Variants in PHF20 observed in about 807,000 individuals in gnomAD.
PHF20 encodes glioma-expressed antigen 2.
Under a neutral mutation model 113.5 loss-of-function variants are expected in PHF20, and 23 were observed. That is an observed-to-expected ratio of 0.20 (90% CI 0.15 to 0.29). PHF20 has a LOEUF of 0.29. Among genes scored for constraint, PHF20 ranks in the 10% least tolerant of loss-of-function variants. PHF20 has a pLI of 1.00. For synonymous variants in PHF20, 434 were observed against 457.3 expected (o/e 0.95, Z 0.65); for missense variants, 943 against 1,219.6 (o/e 0.77, Z 3.38).
intron 1 of PHF20, among the ~76,000 whole-genome samples, chr20:35,792,866 T>G (rs2041584729): frequency 6.6e-6 from 1 of 152,110 alleles, no homozygotes; most frequent in Admixed American, 6.6e-5. Flanking sequence ...CCTAGGAAAT[T>G]GGGGCTGTTG....
chr20:35,940,913 G>A lies in PHF20; in HGVS notation c.2762G>A (p.Arg921Gln), dbSNP rs547973892. ...KKALPEEAPA[R>Q]KLLDRGGEGL... Reference sequence around the variant, plus strand: ...GCCCTACCAGAAGAAGCCCCTGCTCGGAAGCTGCTGGACAGAGGTGGAGAG... The same window carrying A: ...GCCCTACCAGAAGAAGCCCCTGCTCAGAAGCTGCTGGACAGAGGTGGAGAG... The change falls in exon 17 of 18, where the codon CGG (arginine) becomes CAG (glutamine). Residue 921 changes from arginine (R) to glutamine (Q), a missense_variant. Coordinates refer to ENST00000374012, the MANE Select transcript of PHF20 (RefSeq NM_016436.5). The A allele has an allele frequency of 2.5e-5, 41 of 1,614,110 alleles. 1 individual carries two copies. The East Asian group carries it at 7.4e-4, about 29-fold the overall frequency.
intron 2 of PHF20, among the ~76,000 whole-genome samples, chr20:35,819,643 A>C (rs2042134365): frequency 6.7e-6 from 1 of 148,314 alleles, no homozygotes. Flanking sequence ...TACTCCTTAC[A>C]CCATCTGTGT....
intron 2 of PHF20, among the ~76,000 whole-genome samples, chr20:35,814,884 AAAAAAATAAAAT>A (rs2042041740): frequency 6.9e-6 from 1 of 144,610 alleles, no homozygotes; most frequent in African/African-American, 2.6e-5. Context: ...AAAAAAAAAA[AAAAAAATAAAAT>A]AAATAAATAA....
In PHF20 at chr20:35,947,604, A is replaced by C; in HGVS notation, c.3016A>C (p.Ile1006Leu). ...GATGGACCTGGGCAAGGTGCAGCAGATCGCCCTCTGCTGCTCAACATGAAA... is the reference window on the plus strand; with the variant it reads ...GATGGACCTGGGCAAGGTGCAGCAGCTCGCCCTCTGCTGCTCAACATGAAA... ...LLMDLGKVQQ[I>L]ALCCST is the part of the protein sequence containing the mutation. The change falls in exon 18 of 18, where the codon ATC becomes CTC. Residue 1006 changes from isoleucine to leucine, a missense_variant. Coordinates refer to ENST00000374012, the MANE Select transcript of PHF20 (RefSeq NM_016436.5). 5.6e-6 allele frequency: 9 copies of C among 1,613,952 alleles called. No homozygotes were observed. The highest frequency in any genetic ancestry group is 7.6e-6 in the Non-Finnish European group (9 of 1,179,976).
At chr20:35,786,593 T>C (rs1157326032) in intron 1 of PHF20, among the ~76,000 whole-genome samples, 3 of 152,076 alleles carry the variant, frequency 2.0e-5, no homozygotes, top group African/African-American at 7.2e-5. Flanking sequence ...TTTCAACTAC[T>C]TGGGAGGCTG....
chr20:35,853,740 G>A (rs1415154303), intron 4 of PHF20, among the ~76,000 whole-genome samples: 1 of 151,484 alleles, frequency 6.6e-6, no homozygotes, highest in African/African-American at 2.4e-5. Flanking sequence ...GATGGGTGAC[G>A]AAGACCCTAT....
At chr20:35,811,367 A>T (rs2041973982) in intron 2 of PHF20, among the ~76,000 whole-genome samples, 1 of 151,270 alleles carries the variant, frequency 6.6e-6, no homozygotes, top group East Asian at 1.9e-4. Context: ...TTAATTGCTT[A>T]TGTCCTTGTG....
intron 15 of PHF20, among the ~76,000 whole-genome samples, chr20:35,932,302 C>T (rs1293009797): frequency 6.6e-6 from 1 of 151,642 alleles, no homozygotes; most frequent in Non-Finnish European, 1.5e-5. Flanking sequence ...CTCCTGACCT[C>T]AAGTGATCCA....
In PHF20 at chr20:35,846,905, A is replaced by G. The variant is rs528205975; in HGVS notation, c.256-445A>G. On this transcript the variant is annotated intron_variant, in intron 3 of 17. Transcript: ENST00000374012. The stretch of plus-strand genomic sequence containing the variant: ...CAAGTGCATGGTACTGGCTTCTGGC[A>G]TCAGCTTTCATGCTGTGTCATACAT... 5.3e-5 allele frequency among the ~76,000 whole-genome samples: 8 copies of G among 152,312 alleles called. No individual in the cohort carries two copies. In the South Asian group the frequency reaches 1.2e-3, roughly 24 times the overall value.
At position 35,911,192 on chromosome 20, in the gene PHF20, T is replaced by C. The variant is rs910705653; in HGVS notation, c.1562-2057T>C. On this transcript the variant is annotated intron_variant, in intron 10 of 17. Transcript: ENST00000374012. Reference sequence around the variant, plus strand: ...AGTAGCTGGGACTACAGGCGCCCGCTACCACGCCCGGCTAATTTTTTCTGT... The same window carrying C: ...AGTAGCTGGGACTACAGGCGCCCGCCACCACGCCCGGCTAATTTTTTCTGT... Among the ~76,000 whole-genome samples the C allele has an allele frequency of 9.2e-5, 14 of 151,808 alleles. No homozygotes were observed. The East Asian group carries it at 9.7e-4, about 11-fold the overall frequency.
chr20:35,778,902 G>T (rs1256166736), intron 1 of PHF20, among the ~76,000 whole-genome samples: 1 of 152,084 alleles, frequency 6.6e-6, no homozygotes, highest in Admixed American at 6.6e-5. Context: ...AATTTTAGAA[G>T]CCTAATATGA....
At chr20:35,810,505 G>A (rs941073869) in intron 2 of PHF20, among the ~76,000 whole-genome samples, 1 of 152,132 alleles carries the variant, frequency 6.6e-6, no homozygotes, top group Admixed American at 6.6e-5. Context: ...CACTGAGAGG[G>A]AGACTACCTG....
intron 13 of PHF20, among the ~76,000 whole-genome samples, chr20:35,922,732 T>C (rs1363623290): frequency 6.6e-6 from 1 of 152,256 alleles, no homozygotes; most frequent in Non-Finnish European, 1.5e-5. Flanking sequence ...AATGGCTAGA[T>C]AATAAATTTT....
Position 35,939,006 on chromosome 20 carries a change from C to G in PHF20, c.2610C>G (p.Pro870=). Residue 870 remains proline, a synonymous_variant, in exon 16 of 18, where the codon CCC becomes CCG. Coordinates refer to ENST00000374012, the MANE Select transcript of PHF20 (RefSeq NM_016436.5). ...CTGCCCTCGACGATGCGGTCAACCC[C>G]CTCCATGAGAACGGCGATGATTCCC... is the stretch of plus-strand genomic sequence containing the variant. ...RGSALDDAVN[P]LHENGDDSLS... 6.2e-7 allele frequency: 1 copy of G among 1,614,182 alleles called. No individual in the cohort carries two copies. Among genetic ancestry groups the G allele is most frequent in the South Asian group, 1.1e-5 (1 of 91,088 alleles).
At chr20:35,871,867 A>C in intron 9 of PHF20, 38 bp downstream of exon 9, 1 of 1,459,934 alleles carries the variant, frequency 6.8e-7, no homozygotes, top group East Asian at 2.4e-5. Context: ...CTTTTTATAT[A>C]CACTTTTGCT....
intron 10 of PHF20, among the ~76,000 whole-genome samples, chr20:35,902,758 C>T (rs1455006028): frequency 6.6e-6 from 1 of 152,202 alleles, no homozygotes; most frequent in Non-Finnish European, 1.5e-5. Flanking sequence ...ATTTTCCCAT[C>T]TGTGAAATAG....
At chr20:35,910,411 C>T (rs1032642059) in intron 10 of PHF20, among the ~76,000 whole-genome samples, 1 of 152,094 alleles carries the variant, frequency 6.6e-6, no homozygotes, top group African/African-American at 2.4e-5. Flanking sequence ...TGTATCGAGA[C>T]TTAATTGTAC....
intron 2 of PHF20, among the ~76,000 whole-genome samples, chr20:35,841,172 C>A (rs2042528899): frequency 6.6e-6 from 1 of 151,900 alleles, no homozygotes; most frequent in African/African-American, 2.4e-5. Context: ...TAACAGAACT[C>A]CATCTCTACA....
At chr20:35,795,875 CA>C (rs1466017567) in intron 1 of PHF20, among the ~76,000 whole-genome samples, 2 of 151,406 alleles carry the variant, frequency 1.3e-5, no homozygotes, top group East Asian at 3.9e-4. Context: ...TTTTTTGAGA[CA>C]GTCTCACTCT....
Sources: gnomAD v4.1 joint callset for allele counts (sites outside exome capture counted in the v4.1 genomes callset) on GRCh38, gnomAD v4.1.1 for gene constraint, MANE v1.5 for transcripts, NCBI Gene and HGNC (gene_info 2026-07-23, HGNC 2026-07-21) for gene names.